FRMPD4: variants seen among roughly 807,000 people sequenced by gnomAD.
FRMPD4 encodes the protein FERM and PDZ domain-containing protein 4.
Under a neutral mutation model 94.1 loss-of-function variants are expected in FRMPD4, and 22 were observed. The observed-to-expected ratio is 0.23, with a 90% CI of 0.17 to 0.33. The LOEUF (loss-of-function observed/expected upper bound fraction) is 0.33, where lower values mean the gene tolerates loss of function less well. FRMPD4 is among the 10% of genes least tolerant of loss of function. The pLI is 1.00. For synonymous variants in FRMPD4, 631 were observed against 548.6 expected (o/e 1.15, Z -2.10); for missense variants, 1,111 against 1,339.9 (o/e 0.83, Z 2.67).
At chrX:12,667,322 A>ATG (rs2059790028) in intron 4 of FRMPD4, among the ~76,000 whole-genome samples, 1 of 111,848 alleles carries the variant, frequency 8.9e-6, no homozygotes, top group South Asian at 3.7e-4. Context: ...ATCTTCCTAC[A>ATG]TATCTTTGTT....
chrX:12,233,558 G>A (rs779964517), intron 1 of FRMPD4, among the ~76,000 whole-genome samples: 4 of 111,585 alleles, frequency 3.6e-5, no homozygotes, highest in African/African-American at 9.8e-5. Context: ...CTTTCAAAAA[G>A]CATTGACTAA....
intron 2 of FRMPD4, among the ~76,000 whole-genome samples, chrX:12,547,449 G>A (rs2058490551): frequency 8.9e-6 from 1 of 111,771 alleles, no homozygotes; most frequent in African/African-American, 3.3e-5. Context: ...AATATTTCAT[G>A]GCATGTGAAC....
chrX:12,436,541 T>G (rs2057069387), intron 1 of FRMPD4, among the ~76,000 whole-genome samples: 1 of 111,593 alleles, frequency 9.0e-6, no homozygotes, highest in African/African-American at 3.3e-5. Context: ...TTAATTTATT[T>G]TTAGCTCATT....
intron 1 of FRMPD4, among the ~76,000 whole-genome samples, chrX:12,158,470 CA>C (rs2055971213): frequency 8.9e-6 from 1 of 111,996 alleles, no homozygotes; most frequent in African/African-American, 3.2e-5. Flanking sequence ...TGGATTTCCA[CA>C]AACTGAATAT....
At position 12,665,688 on chromosome X, in the gene FRMPD4, G is replaced by A. The variant is rs979714802; in HGVS notation, c.423-9175G>A. On this transcript the variant is annotated intron_variant, in intron 4 of 16. Coordinates refer to ENST00000675598, the MANE Select transcript of FRMPD4 (RefSeq NM_001368397.1). ...TCCAGCCACACTAAGCTTCATAAGC[G>A]AAGGAGAAATAAAATCCTCTACAGA... 1.3e-4 allele frequency among the ~76,000 whole-genome samples: 14 copies of A among 111,983 alleles called. No homozygotes were observed. In the South Asian group the frequency reaches 1.5e-3, roughly 12 times the overall value.
chrX:12,266,886 A>G (rs1304879095), intron 1 of FRMPD4, among the ~76,000 whole-genome samples: 1 of 112,171 alleles, frequency 8.9e-6, no homozygotes, highest in Non-Finnish European at 1.9e-5. Flanking sequence ...ATTACCTTCC[A>G]ATAAACCTAT....
chrX:12,646,542 A>G (rs750057149), intron 4 of FRMPD4, among the ~76,000 whole-genome samples: 2 of 112,004 alleles, frequency 1.8e-5, no homozygotes, highest in Non-Finnish European at 3.8e-5. Context: ...AAATCTGTCA[A>G]CTTTCAGAGA....
At chrX:12,454,741 G>A (rs1394854251) in intron 1 of FRMPD4, among the ~76,000 whole-genome samples, 1 of 109,365 alleles carries the variant, frequency 9.1e-6, no homozygotes, top group Non-Finnish European at 1.9e-5. Context: ...AGCACAGTGG[G>A]AAACCTCGTT....
At chrX:12,600,852 C>T (rs4636388) in intron 2 of FRMPD4, among the ~76,000 whole-genome samples, 12,108 of 111,326 alleles carry the variant, frequency 0.11, 1,700 homozygotes, top group African/African-American at 0.38. Flanking sequence ...TTCTGGTATC[C>T]TGTAGGGCTA....
At chrX:12,069,498 C>T (rs1431543445) in intron 3 of FRMPD4, among the ~76,000 whole-genome samples, 3 of 111,814 alleles carry the variant, frequency 2.7e-5, no homozygotes, top group Non-Finnish European at 5.6e-5. Flanking sequence ...AGTCACCAAA[C>T]AGTGGATATA....
At chrX:12,077,250 T>C (rs1443910529) in intron 3 of FRMPD4, among the ~76,000 whole-genome samples, 5 of 112,336 alleles carry the variant, frequency 4.5e-5, no homozygotes, top group Non-Finnish European at 9.4e-5. Context: ...ATTTGTGTTC[T>C]GTTTTGTGTA....
intron 1 of FRMPD4, among the ~76,000 whole-genome samples, chrX:12,433,372 C>A (rs1208147332): frequency 8.9e-6 from 1 of 112,216 alleles, no homozygotes; most frequent in Non-Finnish European, 1.9e-5. Flanking sequence ...CTGAATTGGC[C>A]TCTTGCTGGT....
intron 1 of FRMPD4, among the ~76,000 whole-genome samples, chrX:12,359,594 A>C (rs918074421): frequency 9.2e-6 from 1 of 108,465 alleles, no homozygotes; most frequent in Non-Finnish European, 1.9e-5. Context: ...CAGCCTCCCG[A>C]GTGTAGCTGG....
intron 10 of FRMPD4, among the ~76,000 whole-genome samples, chrX:12,703,048 A>T (rs1254552046): frequency 8.9e-6 from 1 of 112,388 alleles, no homozygotes; most frequent in Non-Finnish European, 1.9e-5. Context: ...TTCTTTTCCT[A>T]CTTTGTGTAC....
At chrX:12,269,179 C>G (rs1422815568) in intron 1 of FRMPD4, among the ~76,000 whole-genome samples, 1 of 111,342 alleles carries the variant, frequency 9.0e-6, no homozygotes, top group Non-Finnish European at 1.9e-5. Flanking sequence ...CACAGTCTAT[C>G]AATAAAATGC....
chrX:12,680,890 G>A (rs1017048332), intron 5 of FRMPD4, among the ~76,000 whole-genome samples: 1 of 110,328 alleles, frequency 9.1e-6, no homozygotes, highest in African/African-American at 3.3e-5. Context: ...GTAAATATGG[G>A]GCTATTTACT....
intron 3 of FRMPD4, among the ~76,000 whole-genome samples, chrX:11,930,175 AG>A (rs1288273365): frequency 2.8e-5 from 3 of 107,584 alleles, no homozygotes; most frequent in East Asian, 6.0e-4. Context: ...CATGTGAAAA[AG>A]CACAATGTGT....
chrX:12,177,080 C>T (rs1464554716), intron 1 of FRMPD4, among the ~76,000 whole-genome samples: 1 of 111,829 alleles, frequency 8.9e-6, no homozygotes, highest in East Asian at 2.8e-4. Flanking sequence ...TTAGTTAGTG[C>T]TCATTAAATA....
At chrX:12,466,761 G>A (rs752116496) in intron 1 of FRMPD4, among the ~76,000 whole-genome samples, 1 of 112,209 alleles carries the variant, frequency 8.9e-6, no homozygotes, top group South Asian at 3.7e-4. Context: ...TACACAATGA[G>A]TGCTAAATCC....
Sources: allele counts gnomAD v4.1 joint callset (sites outside exome capture counted in the v4.1 genomes callset), GRCh38; gene constraint gnomAD v4.1.1; transcripts MANE v1.5; gene names NCBI Gene and HGNC (gene_info 2026-07-23, HGNC 2026-07-21).